CNBD2: variants seen among roughly 807,000 people sequenced by gnomAD.
The protein encoded by CNBD2 is cyclic nucleotide-binding domain-containing protein 2.
Under a neutral mutation model 63.7 loss-of-function variants are expected in CNBD2, and 64 were observed. The ratio of observed to expected loss-of-function variants is 1.00; its 90% confidence interval spans 0.82 to 1.24. The LOEUF (loss-of-function observed/expected upper bound fraction) is 1.24, where lower values mean the gene tolerates loss of function less well. Among genes scored for constraint, CNBD2 ranks in the 50% most tolerant of loss-of-function variants. The probability of loss-of-function intolerance (pLI) is 0.00; values close to 1 mark genes in which losing one functional copy is unlikely to be tolerated. For missense variants in CNBD2, 691 were observed against 713.5 expected (o/e 0.97, Z 0.36); for synonymous variants, 229 against 255.4 (o/e 0.90, Z 0.99).
At chr20:35,994,119 G>A (rs1810236236) in intron 7 of CNBD2, among the ~76,000 whole-genome samples, 1 of 151,614 alleles carries the variant, frequency 6.6e-6, no homozygotes, top group East Asian at 1.9e-4. Flanking sequence ...AGGCTGCAGT[G>A]CAATGATGCG....
intron 4 of CNBD2, among the ~76,000 whole-genome samples, chr20:35,981,411 G>C (rs1252167514): frequency 6.6e-6 from 1 of 151,758 alleles, no homozygotes; most frequent in African/African-American, 2.4e-5. Context: ...TTATCACCTG[G>C]GCCATCTCCT....
chr20:35,984,912 G>A (rs6141583), intron 6 of CNBD2, 134 bp downstream of exon 6: 113,224 of 817,702 alleles, frequency 0.14, 8,439 homozygotes, highest in South Asian at 0.21. Flanking sequence ...GTCCCACCTC[G>A]TACCCACCTT....
chr20:35,984,868 T>TGGTTGC (rs2056647507), intron 6 of CNBD2, 90 bp downstream of exon 6: 1 of 1,337,330 alleles, frequency 7.5e-7, no homozygotes, highest in Admixed American at 1.7e-5. Flanking sequence ...GGAAACATAC[T>TGGTTGC]GGTTGCTGTT....
At chr20:35,977,078 A>C (rs2056531048) in intron 3 of CNBD2, among the ~76,000 whole-genome samples, 1 of 152,204 alleles carries the variant, frequency 6.6e-6, no homozygotes, top group Admixed American at 6.5e-5. Flanking sequence ...GACACTGAGC[A>C]CTGAAGCTTA....
chr20:36,011,396 A>T, intron 10 of CNBD2, 139 bp downstream of exon 10: 1 of 1,165,402 alleles, frequency 8.6e-7, no homozygotes, highest in African/African-American at 1.6e-5. Context: ...TAAAGATGTG[A>T]TAAGAATAGG....
At chr20:35,990,688 C>T (rs1324752820) in intron 7 of CNBD2, among the ~76,000 whole-genome samples, 7 of 151,986 alleles carry the variant, frequency 4.6e-5, no homozygotes, top group East Asian at 1.9e-4. Context: ...CAGTGGCTCA[C>T]GCCTGTAATC....
At chr20:36,023,306 CCT>C (rs1227900267) in intron 10 of CNBD2, among the ~76,000 whole-genome samples, 2 of 152,080 alleles carry the variant, frequency 1.3e-5, no homozygotes, top group African/African-American at 4.8e-5. Flanking sequence ...GGGTAGATCA[CCT>C]GAGGTCAGGA....
rs757298997 is a variant in CNBD2 at position 36,030,547 on chromosome 20, C to T, written c.1630C>T (p.Arg544Cys). The T allele has an allele frequency of 1.6e-5, 26 of 1,613,986 alleles. No homozygotes were observed. Among genetic ancestry groups the T allele is most frequent in the African/African-American group, 2.7e-5 (2 of 74,886 alleles). The change falls in exon 12 of 12, where the codon CGT becomes TGT. Residue 544 changes from arginine (R) to cysteine (C), a missense_variant. Arg to Cys is a radical substitution (Grantham distance 180, BLOSUM62 -3). Transcript: ENST00000373973. ...LCSINKTTKP[R>C]YPIFMAPQKY... ...CAGCATCAACAAGACGACTAAACCT[C>T]GTTATCCTATTTTTATGGCACCCCA...
At chr20:35,993,145 T>C (rs536686565) in intron 7 of CNBD2, among the ~76,000 whole-genome samples, 11 of 144,366 alleles carry the variant, frequency 7.6e-5, no homozygotes, top group Non-Finnish European at 1.6e-4. Context: ...CCCCTATAGC[T>C]CAAAAAAAAG....
At chr20:36,018,012 A>G (rs1252355471) in intron 10 of CNBD2, among the ~76,000 whole-genome samples, 1 of 152,256 alleles carries the variant, frequency 6.6e-6, no homozygotes, top group Admixed American at 6.5e-5. Flanking sequence ...TTACAGAAAA[A>G]TTGAGAAGAT....
downstream of CNBD2, among the ~76,000 whole-genome samples, chr20:35,957,954 A>G (rs764344355): frequency 8.5e-5 from 13 of 152,180 alleles, no homozygotes; most frequent in East Asian, 1.9e-4. Context: ...TGATTAAAGG[A>G]AAGAGGACAA....
intron 8 of CNBD2, among the ~76,000 whole-genome samples, chr20:36,002,179 G>A (rs927611492): frequency 5.9e-5 from 9 of 152,236 alleles, no homozygotes; most frequent in Non-Finnish European, 8.8e-5. Flanking sequence ...CGGATCACTC[G>A]CGGTTAGGAG....
chr20:35,954,502 C>G, upstream of CNBD2: 2 of 1,537,056 alleles, frequency 1.3e-6, no homozygotes, highest in Non-Finnish European at 1.8e-6. Flanking sequence ...GGCTTCTCTG[C>G]GTCCAGGTCG....
intron 2 of CNBD2, among the ~76,000 whole-genome samples, chr20:35,963,567 G>A (rs2056323639): frequency 6.6e-6 from 1 of 152,002 alleles, no homozygotes; most frequent in Non-Finnish European, 1.5e-5. Flanking sequence ...CTTGAACCCA[G>A]GAGGCAGAGG....
rs369445757 is a variant in CNBD2, at chr20:35,977,429, G to GT, written c.243+1427_243+1428insT. Among the ~76,000 whole-genome samples the GT allele has an allele frequency of 3.9e-3, 595 of 152,310 alleles. 8 individuals are homozygous for GT. The highest frequency in any genetic ancestry group is 0.014 in the African/African-American group (573 of 41,562). On this transcript the variant is annotated intron_variant, in intron 3 of 11. Transcript: ENST00000373973. Reference sequence around the variant, plus strand: ...TCACGCTTGTAATCTCAGCACTTTGGGAGGCCGAGGCAGGAAGATTACCTG... The same window carrying GT: ...TCACGCTTGTAATCTCAGCACTTTGGTGAGGCCGAGGCAGGAAGATTACCTG...
At chr20:36,029,916 C>T (rs2057324200) in intron 11 of CNBD2, among the ~76,000 whole-genome samples, 1 of 152,146 alleles carries the variant, frequency 6.6e-6, no homozygotes, top group African/African-American at 2.4e-5. Context: ...ATGGCCAGTC[C>T]AAGGCAGCCA....
At chr20:36,022,490 G>T (rs761885328) in intron 10 of CNBD2, among the ~76,000 whole-genome samples, 2 of 151,124 alleles carry the variant, frequency 1.3e-5, no homozygotes, top group Non-Finnish European at 3.0e-5. Context: ...GAGCCACTGC[G>T]CCCAGCCCTA....
intron 9 of CNBD2, among the ~76,000 whole-genome samples, chr20:36,010,732 G>A (rs750044750): frequency 5.3e-5 from 8 of 151,744 alleles, no homozygotes; most frequent in South Asian, 4.2e-4. Flanking sequence ...CAGTGCACTC[G>A]AGCCTGGCGA....
rs551179915 is a variant in CNBD2 at position 36,010,667 on chromosome 20, G to A, written c.1149-470G>A. On this transcript the variant is annotated intron_variant, in intron 9 of 11. Transcript: ENST00000373973. ...AGTCCCTGCTACTTGGGAGGCTGAGGCATGAGTATCACTTGAACTCCAGAA... is the reference window on the plus strand; with the variant it reads ...AGTCCCTGCTACTTGGGAGGCTGAGACATGAGTATCACTTGAACTCCAGAA... Among the ~76,000 whole-genome samples, 6 of 152,130 alleles carry A rather than the reference G, an allele frequency of 3.9e-5. No homozygotes were observed. The East Asian group carries it at 1.2e-3, about 29-fold the overall frequency.
Sources: allele counts gnomAD v4.1 joint callset (sites outside exome capture counted in the v4.1 genomes callset), GRCh38; gene constraint gnomAD v4.1.1; transcripts MANE v1.5; gene names NCBI Gene and HGNC (gene_info 2026-07-23, HGNC 2026-07-21).